The following DCAF7 variants were observed in gnomAD, a reference collection of about 807,000 sequenced individuals.
DCAF7 encodes the protein DDB1- and CUL4-associated factor 7.
Under a neutral mutation model 41.2 loss-of-function variants are expected in DCAF7, and 4 were observed. The ratio of observed to expected loss-of-function variants is 0.10; its 90% CI spans 0.05 to 0.22. The LOEUF is 0.22. DCAF7 is among the 10% of genes least tolerant of loss of function. The pLI, the probability that DCAF7 is intolerant of heterozygous loss-of-function variation, is 1.00. For synonymous variants in DCAF7, 143 were observed against 164.2 expected, an observed-to-expected ratio of 0.87 and a Z score of 0.99; for missense variants, 131 against 443.2, an observed-to-expected ratio of 0.30 and a Z score of 6.32.
chr17:63,586,573 G>A (rs1050435483), intron 6 of DCAF7, among the ~76,000 whole-genome samples: 10 of 152,218 alleles, frequency 6.6e-5, no homozygotes, highest in Admixed American at 3.3e-4. Context: ...AGACCATCCT[G>A]GCCAACATGG....
chr17:63,586,697 G>C (rs1568106211), intron 6 of DCAF7, among the ~76,000 whole-genome samples: 5 of 152,028 alleles, frequency 3.3e-5, no homozygotes. Flanking sequence ...GGGAGGTGGA[G>C]GTTGCAGTGA....
At chr17:63,555,942 C>G (rs894229897) in intron 1 of DCAF7, among the ~76,000 whole-genome samples, 2 of 152,184 alleles carry the variant, frequency 1.3e-5, no homozygotes, top group Admixed American at 6.5e-5. Context: ...TGCCAGAGCT[C>G]TCTGGTCAGC....
At chr17:63,568,541 C>T (rs541986108) in intron 1 of DCAF7, among the ~76,000 whole-genome samples, 5 of 152,238 alleles carry the variant, frequency 3.3e-5, no homozygotes, top group African/African-American at 1.2e-4. Flanking sequence ...AAATTTTACA[C>T]TGAAATACGT....
intron 1 of DCAF7, among the ~76,000 whole-genome samples, chr17:63,567,272 ATTTTC>A (rs2033453595): frequency 6.6e-6 from 1 of 152,158 alleles, no homozygotes; most frequent in South Asian, 2.1e-4. Flanking sequence ...GAGAACTTAT[ATTTTC>A]TTTCATCATT....
Position 63,590,733 on chromosome 17 carries a change from T to G in DCAF7, c.*1561T>G, listed in dbSNP as rs2033725935. Reference sequence around the variant, plus strand: ...TCCCTCTGAATTGCTCATCTGAGATTAGTAGAGTAGCAGGCCTGAAGGATG... The same window carrying G: ...TCCCTCTGAATTGCTCATCTGAGATGAGTAGAGTAGCAGGCCTGAAGGATG... On this transcript the variant is annotated 3_prime_UTR_variant, in exon 7 of 7. Coordinates refer to ENST00000614556, the MANE Select transcript of DCAF7 (RefSeq NM_005828.5). 6.6e-6 allele frequency: 1 copy of G among 152,560 alleles called. No individual in the cohort carries two copies. The highest frequency in any genetic ancestry group is 6.5e-5 in the Admixed American group (1 of 15,282). 9.5% of individuals were successfully genotyped at this position (152,560 alleles called of 1,614,324 possible).
intron 1 of DCAF7, among the ~76,000 whole-genome samples, chr17:63,551,616 A>T (rs2033255306): frequency 1.3e-5 from 2 of 152,162 alleles, no homozygotes. Flanking sequence ...TTGAAAGTTG[A>T]ATAAGTCAGT....
At chr17:63,551,932 G>T (rs1269279140) in intron 1 of DCAF7, among the ~76,000 whole-genome samples, 1 of 76,348 alleles carries the variant, frequency 1.3e-5, no homozygotes, top group Non-Finnish European at 2.9e-5. Flanking sequence ...AAAAAAAAAA[G>T]CCGGGCGTAG....
chr17:63,589,227 C>T lies in DCAF7; in HGVS notation c.*55C>T. The stretch of plus-strand genomic sequence containing the variant: ...GGCTTTTGTATTTCCTGCCTCTGCC[C>T]CACCCCCAAAGTAAGAAGAAACATG... On this transcript the variant is annotated 3_prime_UTR_variant, in exon 7 of 7. Coordinates refer to ENST00000614556, the MANE Select transcript of DCAF7 (RefSeq NM_005828.5). 1.2e-6 allele frequency: 2 copies of T among 1,600,018 alleles called. No individual in the cohort carries two copies. Among genetic ancestry groups the T allele is most frequent in the South Asian group, 2.2e-5 (2 of 90,754 alleles).
chr17:63,569,315 T>G (rs543770232), intron 1 of DCAF7, among the ~76,000 whole-genome samples: 7 of 152,146 alleles, frequency 4.6e-5, no homozygotes, highest in Non-Finnish European at 1.0e-4. Context: ...TCCCCATTTT[T>G]GGCTTTAACC....
intron 1 of DCAF7, among the ~76,000 whole-genome samples, chr17:63,552,148 G>C (rs1390492898): frequency 6.6e-6 from 1 of 152,078 alleles, no homozygotes; most frequent in Non-Finnish European, 1.5e-5. Flanking sequence ...AGGTGGTCCT[G>C]TCTGGTTATT....
In DCAF7 at chr17:63,579,580, T is replaced by G. The variant is rs2033597364; in HGVS notation, c.409+132T>G. 4 of 712,006 alleles carry G rather than the reference T, an allele frequency of 5.6e-6. No individual in the cohort carries two copies. In the South Asian group the frequency reaches 7.5e-5, roughly 13 times the overall value. 44.1% of individuals were successfully genotyped at this position (712,006 alleles called of 1,614,324 possible). The stretch of plus-strand genomic sequence containing the variant: ...GCTAGGCGTGGAATGTGGTTATTTA[T>G]TAATTCCTTTGTGTGGGTGAGCTTT... On this transcript the variant is annotated intron_variant, in intron 3 of 6. Coordinates refer to ENST00000614556, the MANE Select transcript of DCAF7 (RefSeq NM_005828.5).
chr17:63,576,442 C>T (rs767868534), intron 1 of DCAF7, among the ~76,000 whole-genome samples: 9 of 151,920 alleles, frequency 5.9e-5, no homozygotes, highest in African/African-American at 2.2e-4. Flanking sequence ...AGCAAAACTC[C>T]GTCTCAAAAG....
chr17:63,579,995 C>T, intron 4 of DCAF7, 52 bp downstream of exon 4: 1 of 1,402,602 alleles, frequency 7.1e-7, no homozygotes, highest in Admixed American at 1.8e-5. Context: ...GTGCCTTCCG[C>T]ACAGGAAGAG....
chr17:63,579,239 C>CT, intron 2 of DCAF7, 98 bp from the exon 3 acceptor site: 1 of 780,430 alleles, frequency 1.3e-6, no homozygotes, highest in South Asian at 1.8e-5. Flanking sequence ...CCCCTCATGT[C>CT]TTATGTTTGC....
In DCAF7 at chr17:63,580,668, G is replaced by A. The variant is rs143005890; in HGVS notation, c.528+725G>A. Among the ~76,000 whole-genome samples the A allele has an allele frequency of 4.8e-4, 73 of 151,728 alleles. 1 individual carries two copies. The East Asian group carries it at 0.013, about 26-fold the overall frequency. ...GGAGTAGCTGAGATTACAGGTGCCC[G>A]CAACCACCCCTGGCTAATTTTTGTA... On this transcript the variant is annotated intron_variant, in intron 4 of 6. Transcript: ENST00000614556.
intron 1 of DCAF7, among the ~76,000 whole-genome samples, chr17:63,555,479 A>G (rs1260025399): frequency 6.6e-6 from 1 of 152,142 alleles, no homozygotes; most frequent in Non-Finnish European, 1.5e-5. Flanking sequence ...ATGCATAATT[A>G]TTTCGACTCC....
chr17:63,568,494 A>G (rs1435840382), intron 1 of DCAF7, among the ~76,000 whole-genome samples: 1 of 152,188 alleles, frequency 6.6e-6, no homozygotes, highest in East Asian at 1.9e-4. Context: ...AAACACAATT[A>G]CCTTTGCACC....
chr17:63,584,995 T>G (rs1314123838), intron 5 of DCAF7, among the ~76,000 whole-genome samples: 1 of 152,198 alleles, frequency 6.6e-6, no homozygotes, highest in Non-Finnish European at 1.5e-5. Context: ...ATCTCCCCTA[T>G]CAGTCTAAAG....
chr17:63,550,582 T>A lies in DCAF7; in HGVS notation c.-96T>A. 7 of 1,503,804 alleles carry A rather than the reference T, an allele frequency of 4.7e-6. No homozygotes were observed. Among genetic ancestry groups the A allele is most frequent in the Non-Finnish European group, 6.3e-6 (7 of 1,113,210 alleles). The allele number at this position is 1,503,804 out of a possible 1,614,324, so 93.2% of individuals were successfully genotyped here. ...GGTTAGGCCGTTCCTGCCCGCCCCC[T>A]CCTCTCCTCCCTTCGGACCCATAGA... On this transcript the variant is annotated 5_prime_UTR_variant, in exon 1 of 7. Transcript: ENST00000614556. This position sits in a 1 kb window ranked among gnomAD's most constrained non-coding sequence, Gnocchi z 4.8.
Sources: gnomAD v4.1 joint callset for allele counts (sites outside exome capture counted in the v4.1 genomes callset) on GRCh38, gnomAD v4.1.1 for gene constraint, Gnocchi (gnomAD v3.1) non-coding constraint, MANE v1.5 for transcripts, NCBI Gene and HGNC (gene_info 2026-07-23, HGNC 2026-07-21) for gene names.